QTMAN: variants seen among roughly 807,000 people sequenced by gnomAD.
QTMAN encodes the protein tRNA-queuosine alpha-mannosyltransferase.
the QTMAN span, among the ~76,000 whole-genome samples, chr2:144,321,959 T>C: frequency 2.0e-5 from 3 of 152,164 alleles, no homozygotes; most frequent in African/African-American, 7.2e-5. Flanking sequence ...TGGTATCAAG[T>C]GTGAACAGGC....
the QTMAN span, among the ~76,000 whole-genome samples, chr2:143,965,145 G>C: frequency 6.6e-6 from 1 of 151,780 alleles, no homozygotes; most frequent in African/African-American, 2.4e-5. Context: ...GCATTGAGGA[G>C]CTTCTAGGCT....
At chr2:144,235,908 T>C in the QTMAN span, among the ~76,000 whole-genome samples, 1 of 151,942 alleles carries the variant, frequency 6.6e-6, no homozygotes, top group Non-Finnish European at 1.5e-5. Context: ...CTAAGGTTAT[T>C]CTTAATTAAT....
At chr2:144,098,458 T>C in the QTMAN span, among the ~76,000 whole-genome samples, 1 of 152,190 alleles carries the variant, frequency 6.6e-6, no homozygotes, top group Non-Finnish European at 1.5e-5. Flanking sequence ...CTCATGCCTG[T>C]AATCCTAGCA....
At chr2:144,168,448 A>G in the QTMAN span, among the ~76,000 whole-genome samples, 1 of 152,204 alleles carries the variant, frequency 6.6e-6, no homozygotes, top group African/African-American at 2.4e-5. Context: ...AATATGTACT[A>G]AAATATTTAT....
chr2:144,103,158 C>A, the QTMAN span, among the ~76,000 whole-genome samples: 1 of 152,182 alleles, frequency 6.6e-6, no homozygotes, highest in South Asian at 2.1e-4. Context: ...AATATAGAAA[C>A]CCCTTACTAA....
the QTMAN span, among the ~76,000 whole-genome samples, chr2:144,320,309 C>T: frequency 1.3e-5 from 2 of 152,078 alleles, no homozygotes; most frequent in South Asian, 2.1e-4. Flanking sequence ...AGTTTGCAAA[C>T]CCCTGGCCTA....
chr2:144,095,744 T>G, the QTMAN span, among the ~76,000 whole-genome samples: 1 of 152,160 alleles, frequency 6.6e-6, no homozygotes, highest in Non-Finnish European at 1.5e-5. Context: ...GCATTGCAAT[T>G]ATGAAATCAA....
At chr2:144,142,541 C>T in the QTMAN span, among the ~76,000 whole-genome samples, 5 of 151,976 alleles carry the variant, frequency 3.3e-5, no homozygotes, top group East Asian at 3.9e-4. Flanking sequence ...TACTAAGGCA[C>T]GATACCTTCG....
At chr2:144,114,033 T>C in the QTMAN span, among the ~76,000 whole-genome samples, 1 of 152,186 alleles carries the variant, frequency 6.6e-6, no homozygotes, top group Admixed American at 6.5e-5. Context: ...CCTTTGTGGC[T>C]TCTCACATCC....
At chr2:144,000,040 T>C in the QTMAN span, among the ~76,000 whole-genome samples, 1 of 152,068 alleles carries the variant, frequency 6.6e-6, no homozygotes, top group Non-Finnish European at 1.5e-5. Context: ...ATATGTTCAA[T>C]GATTTGGAAA....
At chr2:144,054,288 C>A in the QTMAN span, among the ~76,000 whole-genome samples, 1 of 152,118 alleles carries the variant, frequency 6.6e-6, no homozygotes, top group Non-Finnish European at 1.5e-5. Context: ...GACAGCACAA[C>A]AAAGGTTCTT....
chr2:144,306,344 G>C, the QTMAN span, among the ~76,000 whole-genome samples: 7,652 of 152,224 alleles, frequency 0.05, 282 homozygotes, highest in African/African-American at 0.1. Flanking sequence ...AACAAAATAC[G>C]ATATAGACTG....
chr2:144,108,054 G>A, the QTMAN span, among the ~76,000 whole-genome samples: 30 of 152,088 alleles, frequency 2.0e-4, no homozygotes, highest in Non-Finnish European at 2.5e-4. Flanking sequence ...AAATTCAACA[G>A]CCCTTCATGC....
At chr2:144,193,127 C>T in the QTMAN span, among the ~76,000 whole-genome samples, 1 of 152,010 alleles carries the variant, frequency 6.6e-6, no homozygotes, top group Admixed American at 6.6e-5. Flanking sequence ...AGATATGAGA[C>T]AACTATACAC....
the QTMAN span, among the ~76,000 whole-genome samples, chr2:143,977,436 G>A: frequency 1.3e-5 from 2 of 152,330 alleles, no homozygotes; most frequent in East Asian, 3.9e-4. Context: ...AGAGCTCTGA[G>A]AGTCCCAGAG....
At chr2:144,261,885 A>AT in the QTMAN span, among the ~76,000 whole-genome samples, 1 of 152,044 alleles carries the variant, frequency 6.6e-6, no homozygotes, top group Non-Finnish European at 1.5e-5. Context: ...ATGATTCTTC[A>AT]TATCAACATA....
At chr2:144,262,140 C>G in the QTMAN span, among the ~76,000 whole-genome samples, 2 of 152,038 alleles carry the variant, frequency 1.3e-5, no homozygotes, top group Non-Finnish European at 2.9e-5. Flanking sequence ...AAAAAATGAG[C>G]CATGAACTAT....
the QTMAN span, among the ~76,000 whole-genome samples, chr2:144,265,633 T>C: frequency 5.3e-5 from 8 of 150,388 alleles, no homozygotes; most frequent in Non-Finnish European, 1.0e-4. Context: ...GAGGCGGAGG[T>C]TGCAGTGAGC....
chr2:144,318,616 A>G, the QTMAN span, among the ~76,000 whole-genome samples: 17 of 152,254 alleles, frequency 1.1e-4, no homozygotes, highest in Non-Finnish European at 1.8e-4. Flanking sequence ...TTTTCCTAGC[A>G]GGATGGCGAT....
Sources: allele counts gnomAD v4.1 joint callset (sites outside exome capture counted in the v4.1 genomes callset), GRCh38; gene constraint gnomAD v4.1.1; transcripts MANE v1.5; gene names NCBI Gene and HGNC (gene_info 2026-07-23, HGNC 2026-07-21).